Variants in NR6A1 observed in about 807,000 individuals in gnomAD.
The protein encoded by NR6A1 is nuclear receptor subfamily 6 group A member 1.
In NR6A1, 7 loss-of-function variants were observed where a neutral mutation model predicts 59.1. The observed-to-expected ratio is 0.12, with a 90% CI of 0.07 to 0.22. The LOEUF is 0.22. Among genes scored for constraint, NR6A1 ranks in the 10% least tolerant of loss-of-function variants. The probability of loss-of-function intolerance (pLI) is 1.00; values close to 1 mark genes in which losing one functional copy is unlikely to be tolerated. For missense variants in NR6A1, 468 were observed against 611.6 expected (o/e 0.77, Z 2.48); for synonymous variants, 243 against 236.1 (o/e 1.03, Z -0.27).
chr9:124,731,239 G>A (rs550925166), intron 2 of NR6A1, among the ~76,000 whole-genome samples: 3 of 152,052 alleles, frequency 2.0e-5, no homozygotes, highest in South Asian at 4.2e-4. Flanking sequence ...CCATGGTTGC[G>A]CACGCCTGTA....
chr9:124,701,393 TGTA>T (rs1335375610), intron 2 of NR6A1, among the ~76,000 whole-genome samples: 1 of 152,076 alleles, frequency 6.6e-6, no homozygotes, highest in African/African-American at 2.4e-5. Context: ...TAATTTTTAT[TGTA>T]GTAAAATATA....
At chr9:124,749,230 C>G (rs1439850990) in intron 1 of NR6A1, among the ~76,000 whole-genome samples, 1 of 151,200 alleles carries the variant, frequency 6.6e-6, no homozygotes, top group African/African-American at 2.4e-5. Context: ...CCATTGCACT[C>G]CAACCTGGGC....
intron 2 of NR6A1, among the ~76,000 whole-genome samples, chr9:124,584,136 C>T (rs542431944): frequency 6.7e-6 from 1 of 149,102 alleles, no homozygotes; most frequent in East Asian, 2.0e-4. Context: ...CACTCTGTCA[C>T]CCAGGCTGGA....
chr9:124,672,255 T>C (rs1021534714), intron 2 of NR6A1, among the ~76,000 whole-genome samples: 1 of 152,230 alleles, frequency 6.6e-6, no homozygotes, highest in African/African-American at 2.4e-5. Flanking sequence ...GATAATGCTA[T>C]GATATACATT....
At chr9:124,765,164 G>A (rs554835700) in intron 1 of NR6A1, among the ~76,000 whole-genome samples, 1 of 152,104 alleles carries the variant, frequency 6.6e-6, no homozygotes, top group Non-Finnish European at 1.5e-5. Flanking sequence ...GTAAGAATCC[G>A]TGATTCTGTA....
At chr9:124,688,827 T>A (rs1838426344) in intron 2 of NR6A1, among the ~76,000 whole-genome samples, 1 of 152,202 alleles carries the variant, frequency 6.6e-6, no homozygotes, top group Non-Finnish European at 1.5e-5. Flanking sequence ...TGTACATGTA[T>A]TTAGGGAGAG....
At position 124,543,819 on chromosome 9, in the gene NR6A1, T is replaced by C; in HGVS notation, c.424A>G (p.Ser142Gly). ...GAACTCACCTGGACTGGCCCAATGC[T>C]CTTATTCCGGCCTCCAGGCATGCCA... ...EDGMPGGRNK[S>G]IGPVQISEEE... The change falls in exon 4 of 10, where the codon AGC becomes GGC. Residue 142 changes from serine to glycine, a missense_variant. Physicochemically the swap from Ser to Gly is moderately conservative, Grantham distance 56 (BLOSUM62 0). Transcript: ENST00000487099. 6.2e-7 allele frequency: 1 copy of C among 1,613,616 alleles called. No individual in the cohort carries two copies.
At chr9:124,556,349 G>A (rs1195702417) in intron 2 of NR6A1, among the ~76,000 whole-genome samples, 1 of 152,094 alleles carries the variant, frequency 6.6e-6, no homozygotes, top group Non-Finnish European at 1.5e-5. Flanking sequence ...CACCAACCAA[G>A]GAATGACGGC....
At chr9:124,537,752 G>A (rs967515721) in intron 6 of NR6A1, among the ~76,000 whole-genome samples, 49 of 152,084 alleles carry the variant, frequency 3.2e-4, no homozygotes, top group Admixed American at 2.4e-3. Flanking sequence ...GCCTATATCC[G>A]ATATATAACT....
intron 2 of NR6A1, among the ~76,000 whole-genome samples, chr9:124,691,864 T>C (rs1214256279): frequency 1.3e-5 from 2 of 152,222 alleles, no homozygotes; most frequent in Admixed American, 1.3e-4. Flanking sequence ...CTGCTATTAT[T>C]ATAGGCAAAC....
chr9:124,665,016 A>C lies in NR6A1; in HGVS notation c.142+68292T>G, dbSNP rs1208260441. ...AATAAGATCCTTGTATCTCCAAAAAAAAAAAAAAAAAAAAAAAAAAGGTAA... is the reference window on the plus strand; with the variant it reads ...AATAAGATCCTTGTATCTCCAAAAACAAAAAAAAAAAAAAAAAAAAGGTAA... On this transcript the variant is annotated intron_variant, in intron 2 of 9. Coordinates refer to ENST00000487099, the MANE Select transcript of NR6A1 (RefSeq NM_033334.4). 1.6e-4 allele frequency among the ~76,000 whole-genome samples: 24 copies of C among 149,776 alleles called. 1 individual carries two copies. Among genetic ancestry groups the C allele is most frequent in the Non-Finnish European group, 2.7e-4 (18 of 67,448 alleles).
chr9:124,604,995 T>C (rs908903742), intron 2 of NR6A1, among the ~76,000 whole-genome samples: 4 of 150,834 alleles, frequency 2.7e-5, no homozygotes, highest in African/African-American at 7.4e-5. Flanking sequence ...CGTGAAATAA[T>C]AGATCCTAGA....
intron 1 of NR6A1, among the ~76,000 whole-genome samples, chr9:124,756,900 A>G (rs1840647736): frequency 6.6e-6 from 1 of 151,592 alleles, no homozygotes; most frequent in South Asian, 2.1e-4. Flanking sequence ...ATTCGAAGGT[A>G]GCCTCAGAAG....
intron 2 of NR6A1, among the ~76,000 whole-genome samples, chr9:124,638,440 C>G (rs1228130008): frequency 1.3e-5 from 2 of 152,126 alleles, no homozygotes; most frequent in Non-Finnish European, 2.9e-5. Flanking sequence ...GACATTACTA[C>G]AGCATTTGAC....
At chr9:124,766,063 A>C (rs552178742) in intron 1 of NR6A1, among the ~76,000 whole-genome samples, 1 of 152,284 alleles carries the variant, frequency 6.6e-6, no homozygotes, top group East Asian at 1.9e-4. Context: ...ACTGTATATC[A>C]AAGTTACATC....
intron 2 of NR6A1, among the ~76,000 whole-genome samples, chr9:124,677,682 C>G (rs1308102129): frequency 3.3e-5 from 5 of 152,114 alleles, no homozygotes; most frequent in African/African-American, 1.2e-4. Context: ...TATGAGCACA[C>G]ATTTATTGCA....
chr9:124,598,887 T>G (rs755115058), intron 2 of NR6A1: 45 of 709,964 alleles, frequency 6.3e-5, no homozygotes, highest in Non-Finnish European at 1.1e-4. Flanking sequence ...TTCTCAGCAT[T>G]CAGGAAGCGG....
At chr9:124,734,312 A>G (rs1427843222) in intron 1 of NR6A1, among the ~76,000 whole-genome samples, 1 of 152,226 alleles carries the variant, frequency 6.6e-6, no homozygotes, top group African/African-American at 2.4e-5. Context: ...CTTGTTTTAC[A>G]GCTTTAACCC....
intron 2 of NR6A1, among the ~76,000 whole-genome samples, chr9:124,635,707 T>G (rs1466133098): frequency 1.3e-5 from 2 of 152,242 alleles, no homozygotes; most frequent in African/African-American, 4.8e-5. Flanking sequence ...ACAGCATATT[T>G]CTTTTTAGAA....
Sources: gnomAD v4.1 joint callset for allele counts (sites outside exome capture counted in the v4.1 genomes callset) on GRCh38, gnomAD v4.1.1 for gene constraint, MANE v1.5 for transcripts, NCBI Gene and HGNC (gene_info 2026-07-23, HGNC 2026-07-21) for gene names.